Variants in LINGO2 observed in about 807,000 individuals in gnomAD.
LINGO2 encodes leucine-rich repeat and immunoglobulin-like domain-containing nogo receptor-interacting protein 2.
In LINGO2, 14 loss-of-function variants were observed where a neutral mutation model predicts 30.6. The observed-to-expected ratio is 0.46, with a 90% CI of 0.30 to 0.72. The LOEUF (loss-of-function observed/expected upper bound fraction) is 0.72. Among genes scored for constraint, LINGO2 ranks in the 30% least tolerant of loss-of-function variants. The probability of loss-of-function intolerance (pLI) is 0.07; values close to 1 mark genes in which losing one functional copy is unlikely to be tolerated. For synonymous variants in LINGO2, 317 were observed against 288.5 expected, an observed-to-expected ratio of 1.10 and a Z score of -1.00; for missense variants, 729 against 751.7, an observed-to-expected ratio of 0.97 and a Z score of 0.35.
At chr9:28,894,209 C>T in the LINGO2 span, among the ~76,000 whole-genome samples, 1 of 152,114 alleles carries the variant, frequency 6.6e-6, no homozygotes, top group Non-Finnish European at 1.5e-5. Context: ...TCACAATAAA[C>T]ATACGTGTGC....
intron 3 of LINGO2, among the ~76,000 whole-genome samples, chr9:28,300,181 A>C (rs1239405933): frequency 1.3e-5 from 2 of 151,914 alleles, no homozygotes; most frequent in African/African-American, 4.8e-5. Context: ...ATAGACTATG[A>C]CAAAACCCCT....
chr9:28,177,559 G>T (rs1828782689), intron 4 of LINGO2, among the ~76,000 whole-genome samples: 1 of 152,154 alleles, frequency 6.6e-6, no homozygotes. Flanking sequence ...ACCTCATAGG[G>T]TTAATTTGTC....
At chr9:28,306,563 A>G (rs1027595326) in intron 3 of LINGO2, among the ~76,000 whole-genome samples, 1 of 152,124 alleles carries the variant, frequency 6.6e-6, no homozygotes, top group Non-Finnish European at 1.5e-5. Context: ...GCAGAAGGCA[A>G]GAAATAACTA....
At chr9:28,088,671 C>G (rs978546656) in intron 4 of LINGO2, among the ~76,000 whole-genome samples, 1 of 152,060 alleles carries the variant, frequency 6.6e-6, no homozygotes, top group African/African-American at 2.4e-5. Context: ...AGCAAAATAA[C>G]CAGCTAACAT....
chr9:28,792,070 T>C, the LINGO2 span, among the ~76,000 whole-genome samples: 316 of 151,632 alleles, frequency 2.1e-3, 1 homozygote, highest in African/African-American at 6.4e-3. Flanking sequence ...TATGTATGTA[T>C]GTATATTTAT....
chr9:28,100,382 G>A (rs753389396), intron 4 of LINGO2, among the ~76,000 whole-genome samples: 1 of 152,160 alleles, frequency 6.6e-6, no homozygotes, highest in Non-Finnish European at 1.5e-5. Context: ...TCATAGTTTA[G>A]AGGGAGGTAA....
chr9:28,577,584 T>C (rs1341476747), intron 1 of LINGO2, among the ~76,000 whole-genome samples: 3 of 152,178 alleles, frequency 2.0e-5, no homozygotes, highest in Non-Finnish European at 2.9e-5. Context: ...GCTCTATGTG[T>C]ATTGAATTCT....
chr9:28,034,639 G>T (rs1283012107), intron 4 of LINGO2, among the ~76,000 whole-genome samples: 2 of 152,112 alleles, frequency 1.3e-5, no homozygotes, highest in Admixed American at 6.6e-5. Flanking sequence ...TTCCATTCTG[G>T]CTTGGAGAAC....
the LINGO2 span, among the ~76,000 whole-genome samples, chr9:29,190,730 G>A: frequency 6.6e-6 from 1 of 152,126 alleles, no homozygotes; most frequent in African/African-American, 2.4e-5. Context: ...AATTATATTT[G>A]CCCTTTGTTC....
intron 1 of LINGO2, among the ~76,000 whole-genome samples, chr9:28,528,118 A>C (rs1277102710): frequency 2.0e-5 from 3 of 152,150 alleles, no homozygotes; most frequent in South Asian, 2.1e-4. Context: ...GAAGAATACA[A>C]CCATCTCTTC....
the LINGO2 span, among the ~76,000 whole-genome samples, chr9:28,700,276 C>T: frequency 6.6e-6 from 1 of 151,930 alleles, no homozygotes; most frequent in African/African-American, 2.4e-5. Context: ...CAGGTTCCCC[C>T]GATACCACCT....
At chr9:28,202,822 A>G (rs1820284167) in intron 4 of LINGO2, among the ~76,000 whole-genome samples, 1 of 152,160 alleles carries the variant, frequency 6.6e-6, no homozygotes, top group Non-Finnish European at 1.5e-5. Flanking sequence ...CCCGAGCTTG[A>G]GTCATGGCAC....
intron 4 of LINGO2, among the ~76,000 whole-genome samples, chr9:28,013,340 G>T (rs1822653882): frequency 6.6e-6 from 1 of 152,086 alleles, no homozygotes; most frequent in Non-Finnish European, 1.5e-5. Flanking sequence ...CCAGACGATT[G>T]TAACATGTAA....
intron 4 of LINGO2, among the ~76,000 whole-genome samples, chr9:28,131,396 T>G (rs1052444216): frequency 3.9e-5 from 6 of 152,170 alleles, no homozygotes; most frequent in African/African-American, 1.4e-4. Flanking sequence ...TTATTCCACT[T>G]TATGTTTGCA....
chr9:28,886,404 G>C, the LINGO2 span, among the ~76,000 whole-genome samples: 1 of 152,046 alleles, frequency 6.6e-6, no homozygotes, highest in African/African-American at 2.4e-5. Context: ...GTAATTTGAA[G>C]AGCCAATTAA....
the LINGO2 span, among the ~76,000 whole-genome samples, chr9:28,747,661 C>A: frequency 6.6e-6 from 1 of 152,036 alleles, no homozygotes; most frequent in Non-Finnish European, 1.5e-5. Context: ...CATGCAGTGG[C>A]CGAACAGAGA....
At chr9:28,615,415 T>G (rs540647661) in intron 1 of LINGO2, among the ~76,000 whole-genome samples, 13 of 152,256 alleles carry the variant, frequency 8.5e-5, no homozygotes, top group South Asian at 6.2e-4. Context: ...GGCTGCAATA[T>G]AAGCTCCATG....
intron 4 of LINGO2, among the ~76,000 whole-genome samples, chr9:28,204,937 C>T (rs1040871351): frequency 1.3e-5 from 2 of 152,062 alleles, no homozygotes; most frequent in Admixed American, 1.3e-4. Flanking sequence ...ACCAGTCAAA[C>T]AGAGAATTGG....
the LINGO2 span, among the ~76,000 whole-genome samples, chr9:28,677,768 G>T: frequency 1.3e-5 from 2 of 152,092 alleles, no homozygotes; most frequent in African/African-American, 4.8e-5. Flanking sequence ...ATTTAATATA[G>T]GTAATTTTAA....
Sources: gnomAD v4.1 joint callset for allele counts (sites outside exome capture counted in the v4.1 genomes callset) on GRCh38, gnomAD v4.1.1 for gene constraint, MANE v1.5 for transcripts, NCBI Gene and HGNC (gene_info 2026-07-23, HGNC 2026-07-21) for gene names.